Variants in CACNA1C observed in about 807,000 individuals in gnomAD.
CACNA1C encodes the protein calcium voltage-gated channel subunit alpha1 C.
CACNA1C carries 30 observed loss-of-function variants against 229.0 expected under a neutral mutation model. The ratio of observed to expected loss-of-function variants is 0.13; its 90% CI spans 0.10 to 0.18. The LOEUF (loss-of-function observed/expected upper bound fraction) is 0.18. Ranked by LOEUF, CACNA1C falls within the 10% of genes least tolerant of loss-of-function variation. CACNA1C has a pLI of 1.00. For missense variants in CACNA1C, 1,658 were observed against 2,845.0 expected, an observed-to-expected ratio of 0.58 and a Z score of 9.49; for synonymous variants, 1,114 against 1,132.5, an observed-to-expected ratio of 0.98 and a Z score of 0.33.
At chr12:2,592,736 T>C (rs186116520) in intron 18 of CACNA1C, among the ~76,000 whole-genome samples, 1 of 150,384 alleles carries the variant, frequency 6.6e-6, no homozygotes, top group East Asian at 2.0e-4. Flanking sequence ...GTTGCAGAAA[T>C]TGGGAAAGTG....
intron 1 of CACNA1C, among the ~76,000 whole-genome samples, chr12:2,037,605 C>A (rs556364822): frequency 3.9e-5 from 6 of 152,144 alleles, no homozygotes; most frequent in Non-Finnish European, 8.8e-5. Context: ...GCAGGTCAGG[C>A]AGGGGTGCAC....
chr12:2,110,743 A>G (rs1261536577), intron 1 of CACNA1C, among the ~76,000 whole-genome samples: 3 of 152,198 alleles, frequency 2.0e-5, no homozygotes, highest in Non-Finnish European at 4.4e-5. Flanking sequence ...GGAGCCACAT[A>G]TGACTGGTAG....
intron 3 of CACNA1C, among the ~76,000 whole-genome samples, chr12:2,209,525 G>C (rs1330332460): frequency 6.6e-6 from 1 of 152,144 alleles, no homozygotes; most frequent in African/African-American, 2.4e-5. Flanking sequence ...GTGGTTCACT[G>C]ACTGGTACCA....
intron 9 of CACNA1C, among the ~76,000 whole-genome samples, chr12:2,543,116 G>A (rs1300862484): frequency 6.6e-6 from 1 of 152,186 alleles, no homozygotes; most frequent in Non-Finnish European, 1.5e-5. Context: ...GGATAGCCCA[G>A]AGAAACACAT....
intron 3 of CACNA1C, among the ~76,000 whole-genome samples, chr12:2,389,194 T>G (rs2098444652): frequency 6.6e-6 from 1 of 152,098 alleles, no homozygotes; most frequent in Admixed American, 6.5e-5. Flanking sequence ...CAGAGTCCCC[T>G]GTTCTTGCTG....
chr12:2,106,967 C>T (rs866183669), intron 1 of CACNA1C, among the ~76,000 whole-genome samples: 19 of 94,832 alleles, frequency 2.0e-4, no homozygotes, highest in East Asian at 4.0e-4. Context: ...GCGCCCACCC[C>T]GGGGAGGGTT....
intron 3 of CACNA1C, among the ~76,000 whole-genome samples, chr12:2,247,837 G>A (rs1025845683): frequency 1.3e-5 from 2 of 152,156 alleles, no homozygotes; most frequent in Non-Finnish European, 2.9e-5. Flanking sequence ...CTCCAAGGGA[G>A]GGGAAGACAA....
chr12:2,584,344 G>C (rs1350291410), intron 15 of CACNA1C, among the ~76,000 whole-genome samples, 159 bp from the exon 16 acceptor site: 1 of 152,082 alleles, frequency 6.6e-6, no homozygotes, highest in Non-Finnish European at 1.5e-5. Context: ...AGGAAGGGGA[G>C]GGGAGGAACA....
At chr12:2,340,979 G>A (rs2096845641) in intron 3 of CACNA1C, among the ~76,000 whole-genome samples, 1 of 151,828 alleles carries the variant, frequency 6.6e-6, no homozygotes, top group Admixed American at 6.6e-5. Context: ...AAAAAGACTT[G>A]GCCTTTTAAT....
chr12:2,586,668 G>A, intron 18 of CACNA1C, among the ~76,000 whole-genome samples: 1 of 152,130 alleles, frequency 6.6e-6, no homozygotes, highest in South Asian at 2.1e-4. Flanking sequence ...GCTATATTTG[G>A]GTTGTTCACC....
At chr12:2,154,912 T>G (rs923497392) in intron 3 of CACNA1C, among the ~76,000 whole-genome samples, 1 of 152,172 alleles carries the variant, frequency 6.6e-6, no homozygotes, top group Non-Finnish European at 1.5e-5. Context: ...CTCCCCAAAG[T>G]GGGGTATTCC....
intron 3 of CACNA1C, among the ~76,000 whole-genome samples, chr12:2,424,340 G>A (rs957825302): frequency 1.3e-5 from 2 of 152,172 alleles, no homozygotes; most frequent in African/African-American, 2.4e-5. Flanking sequence ...AAGCAAGCGG[G>A]GAGAGGAAAA....
intron 1 of CACNA1C, among the ~76,000 whole-genome samples, chr12:1,987,438 AAAAAT>A (rs1459857767): frequency 6.6e-6 from 1 of 152,224 alleles, no homozygotes; most frequent in African/African-American, 2.4e-5. Context: ...TTATTTCCAT[AAAAAT>A]AATACATGTA....
chr12:2,563,877 A>G (rs533667822), intron 11 of CACNA1C, among the ~76,000 whole-genome samples: 106 of 152,330 alleles, frequency 7.0e-4, no homozygotes, highest in Non-Finnish European at 1.2e-3. Context: ...GCACACCCAC[A>G]TGTGGTGCTG....
intron 29 of CACNA1C, 132 bp downstream of exon 29, chr12:2,612,145 G>A (rs369965897): frequency 5.8e-5 from 37 of 640,150 alleles, no homozygotes; most frequent in East Asian, 1.1e-4. Context: ...TCCCTGCTCC[G>A]ATGGTCAGTG....
At chr12:2,564,124 A>G (rs749405789) in intron 11 of CACNA1C, among the ~76,000 whole-genome samples, 1 of 152,210 alleles carries the variant, frequency 6.6e-6, no homozygotes, top group Non-Finnish European at 1.5e-5. Context: ...TCACATCCAG[A>G]CTTAGTATGC....
intron 30 of CACNA1C, among the ~76,000 whole-genome samples, chr12:2,636,423 G>A (rs187599817): frequency 6.6e-6 from 1 of 152,304 alleles, no homozygotes; most frequent in East Asian, 1.9e-4. Flanking sequence ...ATACAGAAAA[G>A]GGGGCTCTGT....
At chr12:2,442,146 T>A (rs1424171552) in intron 3 of CACNA1C, among the ~76,000 whole-genome samples, 1 of 152,238 alleles carries the variant, frequency 6.6e-6, no homozygotes, top group African/African-American at 2.4e-5. Context: ...ATTCTCATTC[T>A]TGAGTCTTTG....
intron 29 of CACNA1C, among the ~76,000 whole-genome samples, chr12:2,615,621 C>G (rs993511156): frequency 2.0e-5 from 3 of 152,112 alleles, no homozygotes; most frequent in South Asian, 2.1e-4. Context: ...TTACGGCCAA[C>G]AGGATGAGGC....
Sources: allele counts gnomAD v4.1 joint callset (sites outside exome capture counted in the v4.1 genomes callset), GRCh38; gene constraint gnomAD v4.1.1; transcripts MANE v1.5; gene names NCBI Gene and HGNC (gene_info 2026-07-23, HGNC 2026-07-21).